Variants in KCNIP4 observed in about 807,000 individuals in gnomAD.
KCNIP4 encodes the protein Kv channel-interacting protein 4.
Under a neutral mutation model 34.0 loss-of-function variants are expected in KCNIP4, and 12 were observed. The ratio of observed to expected loss-of-function variants is 0.35; its 90% CI spans 0.23 to 0.57. KCNIP4 has a LOEUF of 0.57. KCNIP4 is among the 20% of genes least tolerant of loss of function. KCNIP4 has a pLI of 0.83. For missense variants in KCNIP4, 238 were observed against 311.7 expected (o/e 0.76, Z 1.78); for synonymous variants, 124 against 102.2 (o/e 1.21, Z -1.29).
intron 1 of KCNIP4, among the ~76,000 whole-genome samples, chr4:21,368,330 G>A (rs1413775977): frequency 6.8e-6 from 1 of 147,016 alleles, no homozygotes; most frequent in Non-Finnish European, 1.5e-5. Context: ...TGTGGTTTAA[G>A]GTTATTCTTA....
intron 1 of KCNIP4, among the ~76,000 whole-genome samples, chr4:21,897,250 A>AT (rs34580800): frequency 0.31 from 47,551 of 151,540 alleles, 7,796 homozygotes; most frequent in African/African-American, 0.42. Flanking sequence ...GAGAATAAGA[A>AT]TTTTTTTTTC....
At position 20,901,648 on chromosome 4, in the gene KCNIP4, G is replaced by A. The variant is rs558770604; in HGVS notation, c.62-18939C>T. ...ATATTAATGGCATTGGTGATACATAGGTTAAAGTTATAGACTCTGAATCCT... is the reference window on the plus strand; with the variant it reads ...ATATTAATGGCATTGGTGATACATAAGTTAAAGTTATAGACTCTGAATCCT... On this transcript the variant is annotated intron_variant, in intron 1 of 8. Coordinates refer to ENST00000382152, the MANE Select transcript of KCNIP4 (RefSeq NM_025221.6). 5.9e-5 allele frequency among the ~76,000 whole-genome samples: 9 copies of A among 152,206 alleles called. No homozygotes were observed. The South Asian group carries it at 1.7e-3, about 28-fold the overall frequency.
chr4:21,876,008 C>A (rs1435349873), intron 1 of KCNIP4, among the ~76,000 whole-genome samples: 1 of 151,962 alleles, frequency 6.6e-6, no homozygotes, highest in East Asian at 1.9e-4. Context: ...TGTTTTTGAA[C>A]CATGGATCCC....
chr4:21,292,471 T>C (rs538008373), intron 1 of KCNIP4, among the ~76,000 whole-genome samples: 6 of 152,296 alleles, frequency 3.9e-5, no homozygotes, highest in Non-Finnish European at 8.8e-5. Flanking sequence ...GTAAGAATGA[T>C]CTTGCAGTAA....
chr4:21,752,740 C>G (rs956547758), intron 1 of KCNIP4, among the ~76,000 whole-genome samples: 1 of 152,116 alleles, frequency 6.6e-6, no homozygotes, highest in Non-Finnish European at 1.5e-5. Flanking sequence ...TCTTTAGGAG[C>G]CTGCTACTAG....
chr4:21,892,821 G>A (rs1055394793), intron 1 of KCNIP4, among the ~76,000 whole-genome samples: 1 of 151,972 alleles, frequency 6.6e-6, no homozygotes, highest in Non-Finnish European at 1.5e-5. Context: ...GATTAACAGG[G>A]GCAACAAAAT....
intron 1 of KCNIP4, among the ~76,000 whole-genome samples, chr4:21,480,876 A>C (rs71607078): frequency 0.12 from 19,013 of 152,258 alleles, 1,350 homozygotes; most frequent in South Asian, 0.21. Flanking sequence ...ATAAATATTT[A>C]ACAGTGCCAA....
chr4:20,760,631 T>A (rs558722201), intron 3 of KCNIP4, among the ~76,000 whole-genome samples: 1 of 152,124 alleles, frequency 6.6e-6, no homozygotes, highest in Non-Finnish European at 1.5e-5. Context: ...TGAGCTTAGG[T>A]AGGCAAAATA....
At chr4:21,684,498 T>A (rs990403434) in intron 1 of KCNIP4, among the ~76,000 whole-genome samples, 58 of 152,328 alleles carry the variant, frequency 3.8e-4, no homozygotes, top group Non-Finnish European at 1.9e-4. Flanking sequence ...CTGTTATGCT[T>A]TTATAATATT....
intron 1 of KCNIP4, chr4:21,304,079 GAGAGAGAC>G (rs1560272636): frequency 1.4e-3 from 343 of 241,962 alleles, no homozygotes; most frequent in African/African-American, 9.0e-3. Flanking sequence ...CAGAGAGAGA[GAGAGAGAC>G]AGAGAGAGAG....
At chr4:21,675,551 T>C (rs1749825244) in intron 1 of KCNIP4, among the ~76,000 whole-genome samples, 1 of 152,182 alleles carries the variant, frequency 6.6e-6, no homozygotes. Flanking sequence ...AAATATCTTA[T>C]GTATCTTATA....
Position 20,830,245 on chromosome 4 carries a change from C to T in KCNIP4, c.288+20298G>A, listed in dbSNP as rs553732337. 4.6e-5 allele frequency among the ~76,000 whole-genome samples: 7 copies of T among 152,274 alleles called. No homozygotes were observed. The East Asian group carries it at 9.7e-4, about 21-fold the overall frequency. On this transcript the variant is annotated intron_variant, in intron 3 of 8. Coordinates refer to ENST00000382152, the MANE Select transcript of KCNIP4 (RefSeq NM_025221.6). Reference sequence around the variant, plus strand: ...TGTTCTTTACCCCTATGTTTGACTGCTTCTCTACCTTATAAATCCCTTTAC... The same window carrying T: ...TGTTCTTTACCCCTATGTTTGACTGTTTCTCTACCTTATAAATCCCTTTAC...
rs552186808 is a variant in KCNIP4 at position 21,109,515 on chromosome 4, T to C, written c.62-226806A>G. On this transcript the variant is annotated intron_variant, in intron 1 of 8. Transcript: ENST00000382152. Reference sequence around the variant, plus strand: ...CAGGTGCCGTCTGTCACCCCTTTCTTTGACTAGGAAAGGGAATTCCCTGAC... The same window carrying C: ...CAGGTGCCGTCTGTCACCCCTTTCTCTGACTAGGAAAGGGAATTCCCTGAC... 3.2e-3 allele frequency among the ~76,000 whole-genome samples: 483 copies of C among 152,288 alleles called. 2 individuals carry two copies. Among genetic ancestry groups the C allele is most frequent in the Middle Eastern group, 6.8e-3 (2 of 294 alleles).
At chr4:20,895,715 G>C (rs1726440756) in intron 1 of KCNIP4, among the ~76,000 whole-genome samples, 1 of 152,188 alleles carries the variant, frequency 6.6e-6, no homozygotes, top group South Asian at 2.1e-4. Context: ...AAATCAAATA[G>C]AATAGTCAAT....
At chr4:21,349,021 T>C (rs1326630368) in intron 1 of KCNIP4, among the ~76,000 whole-genome samples, 1 of 152,166 alleles carries the variant, frequency 6.6e-6, no homozygotes, top group Non-Finnish European at 1.5e-5. Context: ...AACGAGTTGG[T>C]TGAGCAAGGA....
At chr4:21,791,381 A>G (rs1298646546) in intron 1 of KCNIP4, among the ~76,000 whole-genome samples, 1 of 152,164 alleles carries the variant, frequency 6.6e-6, no homozygotes, top group East Asian at 1.9e-4. Flanking sequence ...CAACACAGGA[A>G]TTGCGGGGCA....
At chr4:21,521,427 G>T (rs1294421937) in intron 1 of KCNIP4, among the ~76,000 whole-genome samples, 1 of 152,062 alleles carries the variant, frequency 6.6e-6, no homozygotes, top group Non-Finnish European at 1.5e-5. Flanking sequence ...TCAAGTGTCA[G>T]CTCTTGCTCT....
At chr4:21,101,346 T>C (rs890941206) in intron 1 of KCNIP4, among the ~76,000 whole-genome samples, 2 of 152,058 alleles carry the variant, frequency 1.3e-5, no homozygotes, top group African/African-American at 4.8e-5. Flanking sequence ...TATATATATA[T>C]CATTTCTTTA....
intron 1 of KCNIP4, among the ~76,000 whole-genome samples, chr4:21,202,840 A>G (rs1451971638): frequency 6.6e-6 from 1 of 152,162 alleles, no homozygotes; most frequent in African/African-American, 2.4e-5. Context: ...AAAGAGACAG[A>G]ATCTACAAGG....
Sources: gnomAD v4.1 joint callset for allele counts (sites outside exome capture counted in the v4.1 genomes callset) on GRCh38, gnomAD v4.1.1 for gene constraint, MANE v1.5 for transcripts, NCBI Gene and HGNC (gene_info 2026-07-23, HGNC 2026-07-21) for gene names.